NFAM1: variants seen among roughly 807,000 people sequenced by gnomAD.
NFAM1 encodes the protein NFAT activation molecule 1.
In NFAM1, 17 loss-of-function variants were observed where a neutral mutation model predicts 29.0. That is an observed-to-expected ratio of 0.59 (90% CI 0.40 to 0.88). The LOEUF is 0.88. Ranked by LOEUF, NFAM1 falls within the 40% of genes least tolerant of loss-of-function variation. NFAM1 has a pLI of 0.00. For synonymous variants in NFAM1, 175 were observed against 147.2 expected (o/e 1.19, Z -1.36); for missense variants, 324 against 344.6 (o/e 0.94, Z 0.47).
At position 42,411,639 on chromosome 22, in the gene NFAM1, G is replaced by C; in HGVS notation, c.219C>G (p.Pro73=). ...AGCTGACTGTGAAAACCTTGAATTG[G>C]GGAGTGTATGGATAGGTGATCCTGC... is the stretch of plus-strand genomic sequence containing the variant. ...FSCRITYPYT[P]QFKVFTVSYF... The change falls in exon 2 of 6, where the codon CCC becomes CCG. Residue 73 remains proline, a synonymous_variant. Transcript: ENST00000329021. 6.2e-7 allele frequency: 1 copy of C among 1,614,052 alleles called. No individual in the cohort carries two copies. The highest frequency in any genetic ancestry group is 8.5e-7 in the Non-Finnish European group (1 of 1,179,882).
chr22:42,437,564 C>T, the NFAM1 span, among the ~76,000 whole-genome samples: 1 of 152,184 alleles, frequency 6.6e-6, no homozygotes, highest in Non-Finnish European at 1.5e-5. Flanking sequence ...AGACAACAGA[C>T]GCCAGAGCCA....
In NFAM1 at chr22:42,407,901, CTCTTT is replaced by C. The variant is rs1426391699; in HGVS notation, c.564+1529_564+1533del. On this transcript the variant is annotated intron_variant, in intron 3 of 5. Coordinates refer to ENST00000329021, the MANE Select transcript of NFAM1 (RefSeq NM_145912.8). The stretch of plus-strand genomic sequence containing the variant: ...GCCACCATACCTGGCAGACAGATTT[CTCTTT>C]TTTTTTTTTTTTTTTTTTTGAGACT... Among the ~76,000 whole-genome samples, 238 of 132,388 alleles carry C rather than the reference CTCTTT, an allele frequency of 1.8e-3. 1 individual carries two copies. Among genetic ancestry groups the C allele is most frequent in the African/African-American group, 6.6e-3 (222 of 33,852 alleles). 86.9% of individuals were successfully genotyped at this position (132,388 alleles called of 152,430 possible).
chr22:42,434,750 TGAG>T (rs576761763), upstream of NFAM1, among the ~76,000 whole-genome samples: 2 of 152,258 alleles, frequency 1.3e-5, no homozygotes, highest in Non-Finnish European at 2.9e-5. Flanking sequence ...AGCAGAGGAA[TGAG>T]GAGGCTCTGT....
chr22:42,385,803 T>C (rs1011590302), intron 5 of NFAM1, among the ~76,000 whole-genome samples: 12 of 152,116 alleles, frequency 7.9e-5, no homozygotes, highest in African/African-American at 2.4e-4. Flanking sequence ...CAGGGTCTAG[T>C]TGAGGGCTGA....
intron 1 of NFAM1, among the ~76,000 whole-genome samples, chr22:42,423,657 T>C (rs1930521332): frequency 6.6e-6 from 1 of 151,634 alleles, no homozygotes; most frequent in Non-Finnish European, 1.5e-5. Context: ...AGTTTGAGGC[T>C]GCAGTGAGCC....
rs1569222085 is a variant in NFAM1, at chr22:42,381,044, C to T, written c.*4117G>A. On this transcript the variant is annotated 3_prime_UTR_variant, in exon 6 of 6. Transcript: ENST00000329021. ...GGAAATGTTTGCTGAGGAGGGGCCA[C>T]CGTTTACCGCACCCACTGCAAGTTC... 6.5e-6 allele frequency: 1 copy of T among 152,704 alleles called. No individual in the cohort carries two copies. The highest frequency in any genetic ancestry group is 1.5e-5 in the Non-Finnish European group (1 of 68,086). The allele number at this position is 152,704 out of a possible 1,614,324, so 9.5% of individuals were successfully genotyped here.
chr22:42,394,393 C>T (rs1929450716), intron 4 of NFAM1, among the ~76,000 whole-genome samples: 1 of 151,870 alleles, frequency 6.6e-6, no homozygotes, highest in African/African-American at 2.4e-5. Context: ...TGGGGTCTTG[C>T]TATGTTGCCA....
chr22:42,398,535 C>T (rs923297288), intron 3 of NFAM1, among the ~76,000 whole-genome samples: 2 of 151,954 alleles, frequency 1.3e-5, no homozygotes, highest in Non-Finnish European at 2.9e-5. Flanking sequence ...GCCTCAGCCT[C>T]CTGAGCAGCT....
At chr22:42,410,672 A>AG in intron 2 of NFAM1, among the ~76,000 whole-genome samples, 1 of 151,960 alleles carries the variant, frequency 6.6e-6, no homozygotes, top group African/African-American at 2.4e-5. Flanking sequence ...AAAAAAAAAA[A>AG]AGAGAGAGCA....
intron 1 of NFAM1, among the ~76,000 whole-genome samples, chr22:42,420,711 A>C (rs568039709): frequency 6.6e-5 from 10 of 152,120 alleles, no homozygotes; most frequent in African/African-American, 2.2e-4. Flanking sequence ...GGTTGCAGTG[A>C]GCCGAGATCA....
chr22:42,390,713 A>T (rs1929306035), intron 4 of NFAM1, among the ~76,000 whole-genome samples: 1 of 150,044 alleles, frequency 6.7e-6, no homozygotes, highest in African/African-American at 2.5e-5. Flanking sequence ...GATACTCAGG[A>T]GGCTGAGGCA....
intron 3 of NFAM1, among the ~76,000 whole-genome samples, chr22:42,405,255 G>C (rs988849145): frequency 1.3e-5 from 2 of 152,228 alleles, no homozygotes; most frequent in African/African-American, 4.8e-5. Context: ...TCAAGGTTAA[G>C]ATCTCGCCTG....
At position 42,419,288 on chromosome 22, in the gene NFAM1, C is replaced by G. The variant is rs1305312368; in HGVS notation, c.122-7552G>C. On this transcript the variant is annotated intron_variant, in intron 1 of 5. Transcript: ENST00000329021. The surrounding 1 kb of genome is among the most constrained non-coding windows in gnomAD (Gnocchi z 4.5). ...GGGCTGTCTCTGTGGCTCTGAGTCCCCAGCGATCCACAAACTCATCCTGCT... is the reference window on the plus strand; with the variant it reads ...GGGCTGTCTCTGTGGCTCTGAGTCCGCAGCGATCCACAAACTCATCCTGCT... Among the ~76,000 whole-genome samples the G allele has an allele frequency of 6.6e-6, 1 of 152,122 alleles. No individual in the cohort carries two copies. Among genetic ancestry groups the G allele is most frequent in the Non-Finnish European group, 1.5e-5 (1 of 68,040 alleles).
At chr22:42,436,881 C>G (rs1198959118), upstream of NFAM1, 2 of 439,462 alleles carry the variant, frequency 4.6e-6, no homozygotes, top group Non-Finnish European at 6.0e-6. Context: ...CTGCAATTCA[C>G]CTGGTCCTTT....
In NFAM1 at chr22:42,402,478, G is replaced by A. The variant is rs1395661291; in HGVS notation, c.565-4522C>T. Among the ~76,000 whole-genome samples, 97 of 152,326 alleles carry A rather than the reference G, an allele frequency of 6.4e-4. 1 individual carries two copies. The highest frequency in any genetic ancestry group is 2.1e-4 in the Non-Finnish European group (14 of 68,028). On this transcript the variant is annotated intron_variant, in intron 3 of 5. Coordinates refer to ENST00000329021, the MANE Select transcript of NFAM1 (RefSeq NM_145912.8). The stretch of plus-strand genomic sequence containing the variant: ...CACACAGAGCGCGGAAGGGCTCGGA[G>A]GAAGGGGCCCGGGATGTGCCAGAAT...
chr22:42,400,333 G>T (rs1307544587), intron 3 of NFAM1, among the ~76,000 whole-genome samples: 1 of 152,172 alleles, frequency 6.6e-6, no homozygotes, highest in Non-Finnish European at 1.5e-5. Context: ...TTAACAGACA[G>T]GGGGCCAGGT....
chr22:42,421,143 A>G (rs1246211895), intron 1 of NFAM1, among the ~76,000 whole-genome samples: 1 of 152,148 alleles, frequency 6.6e-6, no homozygotes, highest in East Asian at 1.9e-4. Flanking sequence ...AAAACTTGGT[A>G]TGCTCTTATT....
intron 4 of NFAM1, among the ~76,000 whole-genome samples, chr22:42,392,068 T>C (rs1057001641): frequency 6.6e-6 from 1 of 150,742 alleles, no homozygotes; most frequent in Non-Finnish European, 1.5e-5. Context: ...AACTTGGGAG[T>C]TGTCAGGATA....
chr22:42,411,212 C>T (rs548540044), intron 2 of NFAM1, among the ~76,000 whole-genome samples, 195 bp downstream of exon 2: 23 of 151,876 alleles, frequency 1.5e-4, no homozygotes, highest in African/African-American at 5.1e-4. Context: ...TTAGTAGAGA[C>T]GGGGTTTCAC....
Sources: gnomAD v4.1 joint callset for allele counts (sites outside exome capture counted in the v4.1 genomes callset) on GRCh38, gnomAD v4.1.1 for gene constraint, Gnocchi (gnomAD v3.1) non-coding constraint, MANE v1.5 for transcripts, NCBI Gene and HGNC (gene_info 2026-07-23, HGNC 2026-07-21) for gene names.